Variants in GRM7 observed in about 807,000 individuals in gnomAD.
The protein encoded by GRM7 is glutamate metabotropic receptor 7, also known as metabotropic glutamate receptor 7.
In GRM7, 35 loss-of-function variants were observed where a neutral mutation model predicts 84.5. The ratio of observed to expected loss-of-function variants is 0.41; its 90% confidence interval spans 0.32 to 0.55. The LOEUF (loss-of-function observed/expected upper bound fraction) is 0.55, where lower values mean the gene tolerates loss of function less well. GRM7 is among the 20% of genes least tolerant of loss of function. GRM7 has a pLI of 0.19. For missense variants in GRM7, 1,003 were observed against 1,194.6 expected, an observed-to-expected ratio of 0.84 and a Z score of 2.36; for synonymous variants, 487 against 455.1, an observed-to-expected ratio of 1.07 and a Z score of -0.89.
chr3:7,072,583 G>A (rs925013648), intron 1 of GRM7, among the ~76,000 whole-genome samples: 35 of 152,084 alleles, frequency 2.3e-4, no homozygotes, highest in African/African-American at 8.2e-4. Flanking sequence ...GCTATTCAGA[G>A]GCTGAGGTGA....
chr3:7,458,056 C>T (rs1698092342), intron 6 of GRM7, among the ~76,000 whole-genome samples: 1 of 152,104 alleles, frequency 6.6e-6, no homozygotes, highest in African/African-American at 2.4e-5. Flanking sequence ...CTGTGCATGG[C>T]GTGGTAAAAT....
At chr3:6,982,007 C>T (rs1026204341) in intron 1 of GRM7, among the ~76,000 whole-genome samples, 1 of 152,008 alleles carries the variant, frequency 6.6e-6, no homozygotes, top group Non-Finnish European at 1.5e-5. Flanking sequence ...TATGCCCATC[C>T]CAGCACTATT....
chr3:6,995,701 G>C (rs182490309), intron 1 of GRM7, among the ~76,000 whole-genome samples: 288 of 152,174 alleles, frequency 1.9e-3, no homozygotes, highest in South Asian at 6.8e-3. Flanking sequence ...TTTAAAGCAG[G>C]CTGAACATTT....
intron 1 of GRM7, among the ~76,000 whole-genome samples, chr3:6,942,768 A>G (rs1697935616): frequency 1.3e-5 from 2 of 152,076 alleles, no homozygotes; most frequent in Admixed American, 6.6e-5. Context: ...TCATATGGTA[A>G]GAATATGCTT....
At chr3:6,909,462 T>C (rs941414142) in intron 1 of GRM7, among the ~76,000 whole-genome samples, 3 of 152,146 alleles carry the variant, frequency 2.0e-5, no homozygotes, top group African/African-American at 7.2e-5. Context: ...AGGACAGACC[T>C]GAGACCTTAT....
At chr3:7,044,630 A>G (rs1214445985) in intron 1 of GRM7, among the ~76,000 whole-genome samples, 1 of 152,190 alleles carries the variant, frequency 6.6e-6, no homozygotes, top group Non-Finnish European at 1.5e-5. Flanking sequence ...AATTTAAAAG[A>G]CTTACAACTT....
At chr3:6,915,497 A>G (rs1444297748) in intron 1 of GRM7, among the ~76,000 whole-genome samples, 1 of 152,224 alleles carries the variant, frequency 6.6e-6, no homozygotes, top group Non-Finnish European at 1.5e-5. Flanking sequence ...TGGGAAGCAC[A>G]TTCTCAACGT....
rs540566429 is a variant in GRM7, at chr3:7,204,530, C to T, written c.736+57862C>T. On this transcript the variant is annotated intron_variant, in intron 2 of 9. Transcript: ENST00000357716. Reference sequence around the variant, plus strand: ...AAAATGATTCCGTTAGCTTAGTCAGCTCTGGAGGTTAGGCTGGTTCTCCCT... The same window carrying T: ...AAAATGATTCCGTTAGCTTAGTCAGTTCTGGAGGTTAGGCTGGTTCTCCCT... Among the ~76,000 whole-genome samples, 8 of 152,308 alleles carry T rather than the reference C, an allele frequency of 5.3e-5. No individual in the cohort carries two copies. In the South Asian group the frequency reaches 1.7e-3, roughly 32 times the overall value.
At chr3:7,481,925 C>T (rs966512771) in intron 7 of GRM7, among the ~76,000 whole-genome samples, 4 of 152,156 alleles carry the variant, frequency 2.6e-5, no homozygotes, top group Non-Finnish European at 2.9e-5. Context: ...CAGTGACTCA[C>T]GCCTGTAATC....
At chr3:7,133,506 T>C (rs929678129) in intron 1 of GRM7, among the ~76,000 whole-genome samples, 8 of 152,194 alleles carry the variant, frequency 5.3e-5, no homozygotes, top group Non-Finnish European at 7.3e-5. Context: ...AACAAAGCAT[T>C]ACCTAGCCCA....
chr3:7,461,518 T>C (rs985451621), intron 6 of GRM7, 65 bp from the exon 7 acceptor site: 15 of 1,328,230 alleles, frequency 1.1e-5, no homozygotes, highest in Admixed American at 8.5e-5. Flanking sequence ...CTGTCACCCA[T>C]AGTACAAGAG....
At chr3:6,936,423 A>C (rs1337496061) in intron 1 of GRM7, among the ~76,000 whole-genome samples, 1 of 152,168 alleles carries the variant, frequency 6.6e-6, no homozygotes, top group African/African-American at 2.4e-5. Context: ...TTATCCAATG[A>C]GCCACAGTCA....
chr3:7,625,985 T>A (rs10510370), intron 8 of GRM7, among the ~76,000 whole-genome samples: 19,684 of 152,116 alleles, frequency 0.13, 1,498 homozygotes, highest in Non-Finnish European at 0.17. Flanking sequence ...TTACAGATTG[T>A]CCTTATAGCT....
chr3:7,302,955 T>TTG (rs1322331854), intron 3 of GRM7, among the ~76,000 whole-genome samples: 2 of 127,388 alleles, frequency 1.6e-5, no homozygotes, highest in African/African-American at 5.6e-5. Context: ...TTTTTTTTTT[T>TTG]GTTGAGACAG....
intron 1 of GRM7, among the ~76,000 whole-genome samples, chr3:6,982,266 A>T (rs1025872335): frequency 1.2e-4 from 18 of 152,154 alleles, no homozygotes; most frequent in African/African-American, 4.3e-4. Context: ...GGCTATAAAG[A>T]TGGCAACAGT....
chr3:6,993,367 A>G (rs1694716414), intron 1 of GRM7, among the ~76,000 whole-genome samples: 1 of 152,232 alleles, frequency 6.6e-6, no homozygotes, highest in Admixed American at 6.5e-5. Context: ...GGTATGATAC[A>G]AGCCTTCGAA....
At chr3:7,645,349 C>T (rs557249301) in intron 8 of GRM7, among the ~76,000 whole-genome samples, 67 of 151,834 alleles carry the variant, frequency 4.4e-4, no homozygotes, top group South Asian at 1.5e-3. Context: ...GAGATTGAGA[C>T]CATCCTGGCC....
At chr3:7,244,093 T>A (rs188383460) in intron 2 of GRM7, among the ~76,000 whole-genome samples, 24 of 152,240 alleles carry the variant, frequency 1.6e-4, no homozygotes, top group Non-Finnish European at 3.2e-4. Flanking sequence ...GTAGACTTTA[T>A]AAATATTGTA....
intron 7 of GRM7, among the ~76,000 whole-genome samples, chr3:7,521,785 C>T (rs563326811): frequency 7.2e-5 from 11 of 152,246 alleles, no homozygotes; most frequent in African/African-American, 1.7e-4. Context: ...AAAAAAAGAA[C>T]GCCGAGTAGC....
Sources: allele counts gnomAD v4.1 joint callset (sites outside exome capture counted in the v4.1 genomes callset), GRCh38; gene constraint gnomAD v4.1.1; transcripts MANE v1.5; gene names NCBI Gene and HGNC (gene_info 2026-07-23, HGNC 2026-07-21).